CYP4F11: variants seen among roughly 807,000 people sequenced by gnomAD.
CYP4F11 encodes the protein cytochrome P450 family 4 subfamily F member 11, also known as cytochrome P450 4F11.
CYP4F11 carries 79 observed loss-of-function variants against 62.2 expected under a neutral mutation model. That is an observed-to-expected ratio of 1.27 (90% CI 1.06 to 1.53). The LOEUF (loss-of-function observed/expected upper bound fraction) is 1.53. CYP4F11 is among the 40% of genes most tolerant of loss of function. CYP4F11 has a pLI of 0.00. For missense variants in CYP4F11, 777 were observed against 680.5 expected (o/e 1.14, Z -1.58); for synonymous variants, 290 against 263.7 (o/e 1.10, Z -0.97).
At chr19:15,931,055 T>A (rs2089711165) in intron 1 of CYP4F11, among the ~76,000 whole-genome samples, 1 of 152,152 alleles carries the variant, frequency 6.6e-6, no homozygotes, top group Non-Finnish European at 1.5e-5. Flanking sequence ...GAGGCCAAGG[T>A]CTGCGGAGTC....
Position 15,912,978 on chromosome 19 carries a change from G to C in CYP4F11, c.*754C>G, listed in dbSNP as rs2145032841. The C allele has an allele frequency of 6.6e-6, 1 of 151,520 alleles. No individual in the cohort carries two copies. The highest frequency in any genetic ancestry group is 3.4e-3 in the Middle Eastern group (1 of 296). 9.4% of individuals were successfully genotyped at this position (151,520 alleles called of 1,614,324 possible). ...CTTTCTGAGACAGGAAATAATAATGGCTCCATATATTTAGCATTCATTGTG... is the reference window on the plus strand; with the variant it reads ...CTTTCTGAGACAGGAAATAATAATGCCTCCATATATTTAGCATTCATTGTG... On this transcript the variant is annotated 3_prime_UTR_variant, in exon 12 of 12. Transcript: ENST00000402119.
chr19:15,921,956 C>T, intron 8 of CYP4F11, 81 bp downstream of exon 8: 1 of 1,458,118 alleles, frequency 6.9e-7, no homozygotes. Context: ...AAGAATTGAC[C>T]AAAAAAACTC....
rs767183522 is a variant in CYP4F11 at position 15,923,922 on chromosome 19, C to T, written c.808G>A (p.Val270Ile). The change falls in exon 6 of 12, where the codon GTC becomes ATC. Residue 270 changes from valine to isoleucine, a missense_variant. By Grantham distance (29) the Val-to-Ile change is conservative. Coordinates refer to ENST00000402119, the MANE Select transcript of CYP4F11 (RefSeq NM_021187.4). Reference sequence around the variant, plus strand: ...AGGGTGCAGCGCCGCTCCTGGATGACGGCATCTGTGAAGTCGTGCACCAGG... The same window carrying T: ...AGGGTGCAGCGCCGCTCCTGGATGATGGCATCTGTGAAGTCGTGCACCAGG... ...CHLVHDFTDAVIQERRCTLPT... is the reference protein window; with the variant it reads ...CHLVHDFTDAIIQERRCTLPT... 20 of 1,614,052 alleles carry T rather than the reference C, an allele frequency of 1.2e-5. No individual in the cohort carries two copies. Among genetic ancestry groups the T allele is most frequent in the South Asian group, 4.4e-5 (4 of 91,084 alleles).
intron 1 of CYP4F11, among the ~76,000 whole-genome samples, chr19:15,931,671 AAT>A: frequency 3.2e-5 from 2 of 61,676 alleles, no homozygotes; most frequent in Admixed American, 1.5e-4. Context: ...CGAGGAGAGG[AAT>A]GAGTGAGCGA....
At position 15,922,118 on chromosome 19, in the gene CYP4F11, G is replaced by T. The variant is rs1292608093; in HGVS notation, c.1034C>A (p.Ala345Glu). 1 of 1,614,078 alleles carries T rather than the reference G, an allele frequency of 6.2e-7. No homozygotes were observed. Among genetic ancestry groups the T allele is most frequent in the Admixed American group, 1.7e-5 (1 of 60,012 alleles). Residue 345 changes from alanine (A) to glutamate (E), a missense_variant, in exon 8 of 12, where the codon GCA (alanine) becomes GAA (glutamate). Coordinates refer to ENST00000402119, the MANE Select transcript of CYP4F11 (RefSeq NM_021187.4). ...SGLSWVLYHL[A>E]KHPEYQEQCR... ...CTGTTCCTGGTATTCTGGGTGCTTTGCAAGGTGGTATAGGACCCAGGAGAG... is the reference window on the plus strand; with the variant it reads ...CTGTTCCTGGTATTCTGGGTGCTTTTCAAGGTGGTATAGGACCCAGGAGAG...
chr19:15,914,707 C>A (rs1379440464), intron 9 of CYP4F11, 41 bp from the exon 10 acceptor site: 4 of 1,613,814 alleles, frequency 2.5e-6, no homozygotes, highest in South Asian at 2.2e-5. Context: ...GGCCCCCCTG[C>A]CTGAGGGACC....
chr19:15,926,853 C>CA (rs374361036), intron 4 of CYP4F11, among the ~76,000 whole-genome samples: 1 of 32,968 alleles, frequency 3.0e-5, no homozygotes, highest in South Asian at 9.8e-4. Context: ...AACCAGCCAA[C>CA]TGTCTCACAC....
At chr19:15,923,713 T>C (rs769387918) in intron 6 of CYP4F11, 99 bp downstream of exon 6, 90 of 1,476,502 alleles carry the variant, frequency 6.1e-5, no homozygotes, top group Middle Eastern at 1.8e-4. Flanking sequence ...GCATGTTCCA[T>C]GGCTCCCAGT....
rs1407718003 is a variant in CYP4F11 at position 15,914,866 on chromosome 19, G to T, written c.1145C>A (p.Thr382Asn). ...WDDLAQLPFLTMCIKESLRLH... is the reference protein window; with the variant it reads ...WDDLAQLPFLNMCIKESLRLH... ...CCGCAGGCTCTCCTTAATGCACATG[G>T]TCAGGAAGGGCAGCTGGGCCAGGTC... Residue 382 changes from threonine to asparagine, a missense_variant, in exon 9 of 12, where the codon ACC becomes AAC. Transcript: ENST00000402119. 3 of 1,614,164 alleles carry T rather than the reference G, an allele frequency of 1.9e-6. No homozygotes were observed. Among genetic ancestry groups the T allele is most frequent in the South Asian group, 2.2e-5 (2 of 91,080 alleles).
intron 8 of CYP4F11, among the ~76,000 whole-genome samples, chr19:15,920,040 T>G (rs1171228843): frequency 6.6e-6 from 1 of 152,164 alleles, no homozygotes; most frequent in African/African-American, 2.4e-5. Flanking sequence ...ATAGATTATG[T>G]TTTCCAAAAC....
rs199856210 is a variant in CYP4F11, at chr19:15,913,785, C to T, written c.1522G>A (p.Ala508Thr). 5.7e-5 allele frequency: 92 copies of T among 1,614,176 alleles called. No individual in the cohort carries two copies. The African/African-American group carries it at 9.7e-4, about 17-fold the overall frequency. Residue 508 changes from alanine to threonine, a missense_variant, in exon 12 of 12, where the codon GCA (alanine) becomes ACA (threonine). Physicochemically the swap from Ala to Thr is moderately conservative, Grantham distance 58. Transcript: ENST00000402119. ...PRRKPELILR[A>T]EGGLWLRVEP... ...ACCCGCAGCCAAAGTCCACCCTCTG[C>T]GCGCAATATCAGCTCGGGTTTCCTG...
At chr19:15,922,956 C>T (rs2089640233) in intron 6 of CYP4F11, among the ~76,000 whole-genome samples, 2 of 152,048 alleles carry the variant, frequency 1.3e-5, no homozygotes, top group Admixed American at 1.3e-4. Context: ...GAGGCTGAGG[C>T]AGGAGAATCA....
intron 1 of CYP4F11, among the ~76,000 whole-genome samples, chr19:15,931,219 C>T (rs1362427750): frequency 6.6e-6 from 1 of 151,824 alleles, no homozygotes; most frequent in Admixed American, 6.5e-5. Context: ...CTCTTCTGGA[C>T]CCTCTGTGTC....
At chr19:15,918,884 C>T (rs1353378996) in intron 8 of CYP4F11, among the ~76,000 whole-genome samples, 1 of 150,004 alleles carries the variant, frequency 6.7e-6, no homozygotes. Context: ...TACACAAGTG[C>T]TTTCAACAAA....
intron 1 of CYP4F11, among the ~76,000 whole-genome samples, chr19:15,930,302 A>G (rs988200663): frequency 6.6e-5 from 10 of 152,144 alleles, no homozygotes; most frequent in African/African-American, 2.4e-4. Flanking sequence ...CAAGATCCAA[A>G]GATAATGGCC....
chr19:15,917,807 C>G (rs1181693064), intron 8 of CYP4F11, among the ~76,000 whole-genome samples: 1 of 152,134 alleles, frequency 6.6e-6, no homozygotes, highest in Non-Finnish European at 1.5e-5. Flanking sequence ...AAGAGATGTT[C>G]TATCCCACTC....
At chr19:15,919,391 G>T (rs1343108774) in intron 8 of CYP4F11, among the ~76,000 whole-genome samples, 1 of 150,882 alleles carries the variant, frequency 6.6e-6, no homozygotes, top group Non-Finnish European at 1.5e-5. Flanking sequence ...AGGATGAATA[G>T]ATAGGATAAA....
At chr19:15,918,127 T>A (rs2089596672) in intron 8 of CYP4F11, among the ~76,000 whole-genome samples, 1 of 152,220 alleles carries the variant, frequency 6.6e-6, no homozygotes, top group South Asian at 2.1e-4. Flanking sequence ...CAAGATCATG[T>A]CCTTTGCAGG....
chr19:15,925,107 C>T (rs949734273), intron 4 of CYP4F11, among the ~76,000 whole-genome samples: 4 of 152,166 alleles, frequency 2.6e-5, no homozygotes, highest in Non-Finnish European at 1.5e-5. Context: ...CCCAGTTCAG[C>T]CTCCTATGGT....
Sources: gnomAD v4.1 joint callset for allele counts (sites outside exome capture counted in the v4.1 genomes callset) on GRCh38, gnomAD v4.1.1 for gene constraint, MANE v1.5 for transcripts, NCBI Gene and HGNC (gene_info 2026-07-23, HGNC 2026-07-21) for gene names.